The following CPO variants were observed in gnomAD, a reference collection of about 807,000 sequenced individuals.
CPO encodes the protein metallocarboxypeptidase C.
A neutral mutation model predicts 41.2 loss-of-function variants in CPO; 43 were observed. The ratio of observed to expected loss-of-function variants is 1.04; its 90% CI spans 0.82 to 1.35. CPO has a LOEUF of 1.35. Ranked by LOEUF, CPO falls within the 40% of genes most tolerant of loss-of-function variation. The pLI is 0.00. For missense variants in CPO, 408 were observed against 451.7 expected (o/e 0.90, Z 0.88); for synonymous variants, 178 against 162.7 (o/e 1.09, Z -0.72).
At chr2:206,941,728 C>A (rs571716321) in intron 1 of CPO, among the ~76,000 whole-genome samples, 11 of 152,050 alleles carry the variant, frequency 7.2e-5, no homozygotes, top group Admixed American at 4.6e-4. Context: ...AACATGTTAG[C>A]TGCAATTTTT....
At chr2:206,960,021 C>A (rs971450938) in intron 5 of CPO, among the ~76,000 whole-genome samples, 1 of 152,058 alleles carries the variant, frequency 6.6e-6, no homozygotes, top group Non-Finnish European at 1.5e-5. Context: ...TTGTGGATTG[C>A]CTGCCACCCA....
At chr2:206,959,507 C>T (rs1307174627) in intron 4 of CPO, 124 bp from the exon 5 acceptor site, 2 of 605,928 alleles carry the variant, frequency 3.3e-6, no homozygotes, top group Non-Finnish European at 6.0e-6. Context: ...CGGAGGAGGG[C>T]TTGGGGACTG....
chr2:206,961,988 T>C (rs1693488412), intron 6 of CPO, among the ~76,000 whole-genome samples: 1 of 150,128 alleles, frequency 6.7e-6, no homozygotes, highest in Non-Finnish European at 1.5e-5. Context: ...TAGTCCCAGC[T>C]ACTGGGGAGG....
intron 7 of CPO, among the ~76,000 whole-genome samples, chr2:206,964,414 A>G (rs905740495): frequency 6.6e-6 from 1 of 152,182 alleles, no homozygotes; most frequent in Non-Finnish European, 1.5e-5. Flanking sequence ...ATGATAATAT[A>G]TTACATTCAC....
Position 206,949,657 on chromosome 2 carries a change from G to A in CPO, c.109G>A (p.Val37Met). 2 of 1,613,568 alleles carry A rather than the reference G, an allele frequency of 1.2e-6. No homozygotes were observed. Among genetic ancestry groups the A allele is most frequent in the Non-Finnish European group, 1.7e-6 (2 of 1,179,564 alleles). The part of the protein sequence containing the change: ...QHRQEIVDKS[V>M]SPWSLETYSY... ...CAGACAAGAGATTGTGGACAAGTCA[G>A]TGAGTCCATGGAGCCTGGAGACGTA... Residue 37 changes from valine to methionine, a missense_variant, in exon 2 of 9, where the codon GTG becomes ATG. Val to Met is a conservative substitution (Grantham distance 21, BLOSUM62 1). Coordinates refer to ENST00000272852, the MANE Select transcript of CPO (RefSeq NM_173077.3).
intron 4 of CPO, among the ~76,000 whole-genome samples, chr2:206,958,671 G>A (rs1693418578): frequency 6.7e-6 from 1 of 148,446 alleles, no homozygotes; most frequent in Admixed American, 6.8e-5. Flanking sequence ...TATGGAGTCA[G>A]AGATGAGTTT....
chr2:206,939,650 A>G lies in CPO; in HGVS notation c.51A>G (p.Gly17=), dbSNP rs1211773781. The G allele has an allele frequency of 6.2e-7, 1 of 1,610,996 alleles. No individual in the cohort carries two copies. Among genetic ancestry groups the G allele is most frequent in the Non-Finnish European group, 8.5e-7 (1 of 1,177,730 alleles). Residue 17 remains glycine, a synonymous_variant, in exon 1 of 9, where the codon GGA becomes GGG. Coordinates refer to ENST00000272852, the MANE Select transcript of CPO (RefSeq NM_173077.3). ...ATCTTTTGGGGATGCTGGTTCCTGG[A>G]GGGCTGGGATATGATAGGTGAGTGT... ...TLYLLGMLVP[G]GLGYDRSLAQ...
chr2:206,965,057 G>A (rs190254573), intron 7 of CPO, among the ~76,000 whole-genome samples: 9 of 152,278 alleles, frequency 5.9e-5, no homozygotes, highest in Non-Finnish European at 1.3e-4. Flanking sequence ...GGGACCTGAG[G>A]CAATGGCACC....
At chr2:206,953,978 G>T (rs77310918) in intron 2 of CPO, among the ~76,000 whole-genome samples, 2,195 of 152,286 alleles carry the variant, frequency 0.014, 58 homozygotes, top group African/African-American at 0.051. Flanking sequence ...TTTAGCCATG[G>T]CTGGAGAAGC....
intron 7 of CPO, among the ~76,000 whole-genome samples, chr2:206,967,014 G>T (rs1448644580): frequency 6.6e-6 from 1 of 152,136 alleles, no homozygotes; most frequent in African/African-American, 2.4e-5. Flanking sequence ...CCCTAGTCAG[G>T]CATCCGGGGA....
intron 1 of CPO, among the ~76,000 whole-genome samples, chr2:206,940,517 A>G (rs1693008810): frequency 6.6e-6 from 1 of 151,958 alleles, no homozygotes; most frequent in Admixed American, 6.6e-5. Context: ...TTTTATTACT[A>G]ATTTTATCAT....
At chr2:206,943,736 A>AGATGATGGATAGAT (rs1156453374) in intron 1 of CPO, among the ~76,000 whole-genome samples, 3 of 83,260 alleles carry the variant, frequency 3.6e-5, no homozygotes, top group Admixed American at 1.2e-4. Context: ...GATGATAGAT[A>AGATGATGGATAGAT]GATAGATAGA....
chr2:206,964,137 A>G (rs1027494582), intron 7 of CPO, among the ~76,000 whole-genome samples: 15 of 152,306 alleles, frequency 9.8e-5, no homozygotes, highest in Admixed American at 6.5e-4. Context: ...CCTTTTGCAC[A>G]TCTCCCTCCG....
intron 7 of CPO, among the ~76,000 whole-genome samples, chr2:206,967,354 TATATAG>T (rs778426015): frequency 0.12 from 13,744 of 110,802 alleles, 757 homozygotes; most frequent in East Asian, 0.23. Context: ...TATATATAGA[TATATAG>T]ATATAGATAT....
At chr2:206,962,099 CAA>C (rs766647290) in intron 6 of CPO, among the ~76,000 whole-genome samples, 72 of 69,422 alleles carry the variant, frequency 1.0e-3, no homozygotes, top group Middle Eastern at 9.8e-3. Context: ...GACTCTGTCT[CAA>C]AAAAAAAAAA....
At chr2:206,956,167 C>A (rs964348546) in intron 3 of CPO, among the ~76,000 whole-genome samples, 1 of 152,074 alleles carries the variant, frequency 6.6e-6, no homozygotes, top group African/African-American at 2.4e-5. Context: ...GGGCCAGGAC[C>A]CCTGAGCTCC....
At chr2:206,947,816 T>A (rs951783278) in intron 1 of CPO, among the ~76,000 whole-genome samples, 1 of 152,134 alleles carries the variant, frequency 6.6e-6, no homozygotes, top group Non-Finnish European at 1.5e-5. Context: ...ACATCATATG[T>A]CACTAGGGAA....
At chr2:206,941,555 G>T (rs1421285460) in intron 1 of CPO, among the ~76,000 whole-genome samples, 5 of 152,048 alleles carry the variant, frequency 3.3e-5, no homozygotes. Flanking sequence ...AATTATTGAA[G>T]TGACTAGGCT....
chr2:206,941,838 A>C (rs1418684995), intron 1 of CPO, among the ~76,000 whole-genome samples: 1 of 152,110 alleles, frequency 6.6e-6, no homozygotes, highest in African/African-American at 2.4e-5. Context: ...TAGGGAGGTA[A>C]TCTCCCATAT....
Sources: allele counts gnomAD v4.1 joint callset (sites outside exome capture counted in the v4.1 genomes callset), GRCh38; gene constraint gnomAD v4.1.1; transcripts MANE v1.5; gene names NCBI Gene and HGNC (gene_info 2026-07-23, HGNC 2026-07-21).